Variants in PLA2G4B observed in about 807,000 individuals in gnomAD.
PLA2G4B encodes cytosolic phospholipase A2 beta.
Under a neutral mutation model 95.8 loss-of-function variants are expected in PLA2G4B, and 122 were observed. The ratio of observed to expected loss-of-function variants is 1.27; its 90% CI spans 1.10 to 1.48. PLA2G4B has a LOEUF of 1.48. Among genes scored for constraint, PLA2G4B ranks in the 40% most tolerant of loss-of-function variants. The pLI is 0.00. For synonymous variants in PLA2G4B, 518 were observed against 421.5 expected (o/e 1.23, Z -2.80); for missense variants, 1,158 against 996.2 (o/e 1.16, Z -2.19).
intron 11 of PLA2G4B, among the ~76,000 whole-genome samples, chr15:41,844,184 G>A (rs1476112816): frequency 6.6e-6 from 1 of 152,190 alleles, no homozygotes; most frequent in East Asian, 1.9e-4. Flanking sequence ...TTCTGAGGCG[G>A]GCCCTGGGGC....
chr15:41,838,931 T>A lies in PLA2G4B; in HGVS notation c.9+9T>A. 1 of 1,590,774 alleles carries A rather than the reference T, an allele frequency of 6.3e-7. No homozygotes were observed. The highest frequency in any genetic ancestry group is 1.7e-5 in the Admixed American group (1 of 57,158). ...TCAGTCTCATGGCTGTGGTAAGGCC[T>A]GGCAGGGCCCTGGGTCCCTACTGGG... On this transcript the variant is annotated intron_variant, in intron 1 of 19. Coordinates refer to ENST00000458483, the MANE Select transcript of PLA2G4B (RefSeq NM_001114633.2).
At position 41,845,216 on chromosome 15, in the gene PLA2G4B, A is replaced by C; in HGVS notation, c.1253A>C (p.Lys418Thr). ...ALLHDEPHDH[K>T]LSDQREALSH... ...ATCTTTCCCCAGCCCCATGATCACAAGCTCTCAGATCAACGGGAGGCCCTG... is the reference window on the plus strand; with the variant it reads ...ATCTTTCCCCAGCCCCATGATCACACGCTCTCAGATCAACGGGAGGCCCTG... Residue 418 changes from lysine to threonine, a missense_variant, in exon 14 of 20, where the codon AAG becomes ACG. Coordinates refer to ENST00000458483, the MANE Select transcript of PLA2G4B (RefSeq NM_001114633.2). The C allele has an allele frequency of 3.7e-6, 6 of 1,614,140 alleles. No homozygotes were observed. The highest frequency in any genetic ancestry group is 5.1e-6 in the Non-Finnish European group (6 of 1,179,998).
chr15:41,843,630 G>C (rs1381686895), intron 10 of PLA2G4B, 46 bp from the exon 11 acceptor site: 15 of 1,592,826 alleles, frequency 9.4e-6, no homozygotes, highest in Non-Finnish European at 1.2e-5. Flanking sequence ...TCCATTCTCT[G>C]GGGAGGGTTG....
chr15:41,847,800 G>A lies in PLA2G4B; in HGVS notation c.2286G>A (p.Glu762=). ...LTHYNVCNNQ[E]QLLEALRQAV... is the part of the protein sequence containing the mutation. ...ATTACAATGTCTGCAACAACCAGGAGCAGCTGCTGGAGGCTCTGCGCCAGG... is the reference window on the plus strand; with the variant it reads ...ATTACAATGTCTGCAACAACCAGGAACAGCTGCTGGAGGCTCTGCGCCAGG... Residue 762 remains glutamate (E), a synonymous_variant, in exon 20 of 20, where the codon GAG becomes GAA. Transcript: ENST00000458483. The A allele has an allele frequency of 1.9e-6, 3 of 1,609,254 alleles. No individual in the cohort carries two copies. Among genetic ancestry groups the A allele is most frequent in the Non-Finnish European group, 2.5e-6 (3 of 1,180,006 alleles).
At position 41,848,033 on chromosome 15, in the gene PLA2G4B, G is replaced by C; in HGVS notation, c.*173G>C. On this transcript the variant is annotated 3_prime_UTR_variant, in exon 20 of 20. Coordinates refer to ENST00000458483, the MANE Select transcript of PLA2G4B (RefSeq NM_001114633.2). ...CCTCAGCAGTTTGCAGTGGGGTAAG[G>C]AGGCCAAGCCCATTTGTGTAATCAC... 1.0e-5 allele frequency: 9 copies of C among 857,860 alleles called. No individual in the cohort carries two copies. Among genetic ancestry groups the C allele is most frequent in the Non-Finnish European group, 1.6e-5 (9 of 570,654 alleles). The allele number at this position is 857,860 out of a possible 1,614,324, so 53.1% of individuals were successfully genotyped here.
chr15:41,844,330 C>T, intron 11 of PLA2G4B, 141 bp from the exon 12 acceptor site: 8 of 1,408,068 alleles, frequency 5.7e-6, no homozygotes, highest in Non-Finnish European at 7.8e-6. Context: ...GCCCCCAGGG[C>T]TGACTGAGAA....
In PLA2G4B at chr15:41,840,178, C is replaced by G; in HGVS notation, c.30C>G (p.Cys10Trp). 6.2e-7 allele frequency: 1 copy of G among 1,613,260 alleles called. No homozygotes were observed. The highest frequency in any genetic ancestry group is 1.7e-5 in the Admixed American group (1 of 60,016). The change falls in exon 2 of 20, where the codon TGC becomes TGG. Residue 10 changes from cysteine to tryptophan, a missense_variant. Cys to Trp is a radical substitution (Grantham distance 215). Coordinates refer to ENST00000458483, the MANE Select transcript of PLA2G4B (RefSeq NM_001114633.2). The stretch of plus-strand genomic sequence containing the variant: ...TGCAGGCAGAGGTGTCCAGGACCTG[C>G]CTGCTCACGGTTCGTGTCCTGCAGG... Reference protein sequence around the residue: MAVAEVSRTCLLTVRVLQAH... With the variant: MAVAEVSRTWLLTVRVLQAH...
rs201342913 is a variant in PLA2G4B, at chr15:41,847,503, T to G, written c.2114T>G (p.Phe705Cys). The G allele has an allele frequency of 1.2e-6, 2 of 1,607,164 alleles. No homozygotes were observed. Among genetic ancestry groups the G allele is most frequent in the East Asian group, 2.2e-5 (1 of 44,678 alleles). ...VLHFPLVSDSFREYSAPGVRR... is the reference protein window; with the variant it reads ...VLHFPLVSDSCREYSAPGVRR... Reference sequence around the variant, plus strand: ...CACTTTCCTCTGGTCAGCGACTCCTTCCGGGAGTACTCGGCCCCTGGTGAG... The same window carrying G: ...CACTTTCCTCTGGTCAGCGACTCCTGCCGGGAGTACTCGGCCCCTGGTGAG... The change falls in exon 19 of 20, where the codon TTC becomes TGC. Residue 705 changes from phenylalanine to cysteine, a missense_variant. By Grantham distance (205) the Phe-to-Cys change is radical (BLOSUM62 -2). Coordinates refer to ENST00000458483, the MANE Select transcript of PLA2G4B (RefSeq NM_001114633.2).
At position 41,845,200 on chromosome 15, in the gene PLA2G4B, C is replaced by T. The variant is rs199730081; in HGVS notation, c.1240-3C>T. ...GGTTTAGGTTCTACGCATCTTTCCC[C>T]AGCCCCATGATCACAAGCTCTCAGA... On this transcript the variant is annotated splice_region_variant and splice_polypyrimidine_tract_variant and intron_variant, in intron 13 of 19. Coordinates refer to ENST00000458483, the MANE Select transcript of PLA2G4B (RefSeq NM_001114633.2). 5.6e-6 allele frequency: 9 copies of T among 1,614,042 alleles called. No individual in the cohort carries two copies. The highest frequency in any genetic ancestry group is 2.2e-5 in the South Asian group (2 of 91,070).
rs371371497 is a variant in PLA2G4B, at chr15:41,842,247, G to A, written c.676G>A (p.Val226Met). Residue 226 changes from valine (V) to methionine (M), a missense_variant, in exon 9 of 20, where the codon GTG (valine) becomes ATG (methionine). By Grantham distance (21) the Val-to-Met change is conservative (BLOSUM62 1). Transcript: ENST00000458483. ...APLSALPSGQ[V>M]VRLVFPTSQE... ...ACTGAGTGCCCTGCCCTCTGGTCAA[G>A]TGGTGAGGCTTGTCTTCCCCACGTC... 21 of 1,613,994 alleles carry A rather than the reference G, an allele frequency of 1.3e-5. No individual in the cohort carries two copies. The highest frequency in any genetic ancestry group is 1.7e-5 in the Non-Finnish European group (20 of 1,180,030).
intron 11 of PLA2G4B, 87 bp downstream of exon 11, chr15:41,843,898 C>A: frequency 1.3e-6 from 2 of 1,536,888 alleles, no homozygotes; most frequent in Non-Finnish European, 1.7e-6. Context: ...TGTCCCCGAT[C>A]TAGACCAGAG....
At chr15:41,846,556 T>TG in intron 17 of PLA2G4B, 113 bp from the exon 18 acceptor site, 1 of 1,512,682 alleles carries the variant, frequency 6.6e-7, no homozygotes, top group East Asian at 2.3e-5. Flanking sequence ...TGCAGGGCTG[T>TG]GGGGGTGTTG....
chr15:41,840,663 G>A lies in PLA2G4B; in HGVS notation c.219+3G>A. 1 of 1,612,752 alleles carries A rather than the reference G, an allele frequency of 6.2e-7. No homozygotes were observed. On this transcript the variant is annotated splice_donor_region_variant and intron_variant, in intron 3 of 19. Coordinates refer to ENST00000458483, the MANE Select transcript of PLA2G4B (RefSeq NM_001114633.2). ...TCAGGATCCACAGGCAGCTCAAGGT[G>A]GGCCAGGCATCAGCGCTGACTCTAC...
intron 19 of PLA2G4B, 40 bp downstream of exon 19, chr15:41,847,563 C>T (rs376008880): frequency 3.7e-6 from 6 of 1,605,086 alleles, no homozygotes; most frequent in Admixed American, 3.3e-5. Flanking sequence ...TGCCCCAGTC[C>T]CCCACACCTC....
rs2065372515 is a variant in PLA2G4B, at chr15:41,838,847, A to G, written c.-67A>G. On this transcript the variant is annotated 5_prime_UTR_variant, in exon 1 of 20. Transcript: ENST00000458483. ...GACATCACATCCCTGGCTCTGGGTT[A>G]GAAAGCTGACAGTCCTTGATCCTGT... is the stretch of plus-strand genomic sequence containing the variant. 3 of 1,504,700 alleles carry G rather than the reference A, an allele frequency of 2.0e-6. No individual in the cohort carries two copies. The highest frequency in any genetic ancestry group is 2.8e-5 in the African/African-American group (2 of 72,318). The allele number at this position is 1,504,700 out of a possible 1,614,324, so 93.2% of individuals were successfully genotyped here.
Position 41,846,816 on chromosome 15 carries a change from A to G in PLA2G4B, c.1928A>G (p.Asn643Ser), listed in dbSNP as rs2065561315. The G allele has an allele frequency of 1.2e-6, 2 of 1,611,506 alleles. No individual in the cohort carries two copies. The highest frequency in any genetic ancestry group is 1.1e-5 in the South Asian group (1 of 90,838). Residue 643 changes from asparagine (N) to serine (S), a missense_variant, in exon 18 of 20, where the codon AAC becomes AGC. Transcript: ENST00000458483. ...GACCTCATCCTGTCATTGGACTACA[A>G]CCTCCACGGAGCCTTCCAGGTTGGG... ...DVDLILSLDY[N>S]LHGAFQQLQL...
chr15:41,840,794 C>CT lies in PLA2G4B; in HGVS notation c.243dup (p.Asp82Ter), dbSNP rs2065415411. On this transcript the variant is annotated frameshift_variant, in exon 4 of 20. Transcript: ENST00000458483. LOFTEE classifies it high-confidence loss of function. ...TCCAGAATGTCATGGAACTGAAAGT[C>CT]TTTGACCAGGACCTGGTGACCGGAG... 2 of 1,613,868 alleles carry CT rather than the reference C, an allele frequency of 1.2e-6. No homozygotes were observed. Among genetic ancestry groups the CT allele is most frequent in the Non-Finnish European group, 1.7e-6 (2 of 1,179,936 alleles).
At chr15:41,841,715 C>T (rs1567169626) in intron 7 of PLA2G4B, 104 bp from the exon 8 acceptor site, 4 of 1,568,824 alleles carry the variant, frequency 2.5e-6, no homozygotes, top group African/African-American at 2.7e-5. Flanking sequence ...TCCACCAGAC[C>T]ATTTCAGCGG....
At chr15:41,847,569 ACCTCCTCCGTCCCCTGTG>A (rs1567174252) in intron 19 of PLA2G4B, 46 bp downstream of exon 19, 4 of 1,604,266 alleles carry the variant, frequency 2.5e-6, no homozygotes, top group Middle Eastern at 1.7e-4. Flanking sequence ...AGTCCCCCAC[ACCTCCTCCGTCCCCTGTG>A]CCTCTCCAAA....
Sources: allele counts gnomAD v4.1 joint callset (sites outside exome capture counted in the v4.1 genomes callset), GRCh38; gene constraint gnomAD v4.1.1; transcripts MANE v1.5; gene names NCBI Gene and HGNC (gene_info 2026-07-23, HGNC 2026-07-21).